The following EPHA4 variants were observed in gnomAD, a reference collection of about 807,000 sequenced individuals.
The protein encoded by EPHA4 is ephrin type-A receptor 4.
EPHA4 carries 19 observed loss-of-function variants against 108.3 expected under a neutral mutation model. The ratio of observed to expected loss-of-function variants is 0.18; its 90% confidence interval spans 0.12 to 0.26. The LOEUF is 0.26. EPHA4 is among the 10% of genes least tolerant of loss of function. The pLI, the probability that EPHA4 is intolerant of heterozygous loss-of-function variation, is 1.00. For missense variants in EPHA4, 917 were observed against 1,254.0 expected, an observed-to-expected ratio of 0.73 and a Z score of 4.06; for synonymous variants, 449 against 455.5, an observed-to-expected ratio of 0.99 and a Z score of 0.18.
chr2:221,498,442 T>G (rs1214821636), intron 4 of EPHA4, among the ~76,000 whole-genome samples: 1 of 152,176 alleles, frequency 6.6e-6, no homozygotes, highest in Non-Finnish European at 1.5e-5. Flanking sequence ...AGTTTATTAT[T>G]AAACTAATCA....
intron 4 of EPHA4, among the ~76,000 whole-genome samples, chr2:221,499,756 ATTTTTTTTT>A (rs575017779): frequency 1.5e-4 from 4 of 26,228 alleles, no homozygotes; most frequent in African/African-American, 6.4e-4. Flanking sequence ...ATATATATAT[ATTTTTTTTT>A]TTTTTTTTTG....
chr2:221,446,096 A>G lies in EPHA4; in HGVS notation c.1774+27T>C, dbSNP rs779917281. 2.7e-6 allele frequency: 4 copies of G among 1,488,242 alleles called. 1 individual carries two copies. The South Asian group carries it at 4.2e-5, about 16-fold the overall frequency. 92.2% of individuals were successfully genotyped at this position (1,488,242 alleles called of 1,614,324 possible). On this transcript the variant is annotated intron_variant, in intron 9 of 17. Coordinates refer to ENST00000281821, the MANE Select transcript of EPHA4 (RefSeq NM_004438.5). ...AAAACGTGTGACATGCTCTAAAAAT[A>G]GAATTTTTTAATCCAATTTTTTGTA...
At chr2:221,572,355 C>A, upstream of EPHA4, 1 of 1,006,998 alleles carries the variant, frequency 9.9e-7, no homozygotes, top group South Asian at 1.5e-5. Flanking sequence ...CGGGCCCGGC[C>A]GGTGACGTGA....
chr2:221,483,874 G>A (rs1224246140), intron 4 of EPHA4, among the ~76,000 whole-genome samples: 2 of 152,144 alleles, frequency 1.3e-5, no homozygotes, highest in South Asian at 4.1e-4. Context: ...TGGGAGAAGG[G>A]AGAGGGAATT....
At chr2:221,422,531 G>A (rs1328299529) in intron 17 of EPHA4, among the ~76,000 whole-genome samples, 1 of 152,152 alleles carries the variant, frequency 6.6e-6, no homozygotes, top group Non-Finnish European at 1.5e-5. Context: ...TTGGGGACTT[G>A]GTGTGTATGC....
intron 3 of EPHA4, among the ~76,000 whole-genome samples, chr2:221,561,130 T>C (rs1694450907): frequency 6.6e-6 from 1 of 152,032 alleles, no homozygotes; most frequent in Non-Finnish European, 1.5e-5. Flanking sequence ...TAGTCCCAGC[T>C]ACTTGGGAGG....
intron 8 of EPHA4, among the ~76,000 whole-genome samples, chr2:221,450,609 C>T (rs376450808): frequency 4.6e-4 from 70 of 152,170 alleles, no homozygotes; most frequent in Middle Eastern, 3.4e-3. Flanking sequence ...ATGTGACCTT[C>T]GTTTATTTGT....
At chr2:221,563,642 A>AT (rs753558593) in intron 3 of EPHA4, 89 bp downstream of exon 3, 4 of 1,474,752 alleles carry the variant, frequency 2.7e-6, no homozygotes, top group Non-Finnish European at 3.7e-6. Context: ...GGGGCTACTA[A>AT]TTACTGGCTT....
rs373855974 is a variant in EPHA4, at chr2:221,543,485, T to A, written c.823+20246A>T. Among the ~76,000 whole-genome samples the A allele has an allele frequency of 1.4e-4, 21 of 152,304 alleles. No individual in the cohort carries two copies. The East Asian group carries it at 2.5e-3, about 18-fold the overall frequency. On this transcript the variant is annotated intron_variant, in intron 3 of 17. Coordinates refer to ENST00000281821, the MANE Select transcript of EPHA4 (RefSeq NM_004438.5). ...TGCCTATCTTTATACTTGCCTGTATTCCGCATTTTTATACATACAAAATTA... is the reference window on the plus strand; with the variant it reads ...TGCCTATCTTTATACTTGCCTGTATACCGCATTTTTATACATACAAAATTA...
chr2:221,554,809 A>G (rs1420244360), intron 3 of EPHA4, among the ~76,000 whole-genome samples: 3 of 152,232 alleles, frequency 2.0e-5, no homozygotes, highest in Non-Finnish European at 4.4e-5. Flanking sequence ...CATAGACTTT[A>G]AATATCTACT....
chr2:221,428,360 T>C (rs897922800), intron 15 of EPHA4, among the ~76,000 whole-genome samples: 2 of 152,238 alleles, frequency 1.3e-5, no homozygotes, highest in Non-Finnish European at 2.9e-5. Context: ...TACCATGTTA[T>C]ACTACATCTC....
At chr2:221,527,723 G>A (rs1054731090) in intron 3 of EPHA4, among the ~76,000 whole-genome samples, 3 of 152,076 alleles carry the variant, frequency 2.0e-5, no homozygotes, top group Non-Finnish European at 2.9e-5. Context: ...AGATATCAGC[G>A]GTTTATATTT....
chr2:221,502,316 A>G (rs566901402), intron 3 of EPHA4, among the ~76,000 whole-genome samples: 20 of 152,302 alleles, frequency 1.3e-4, no homozygotes, highest in African/African-American at 4.3e-4. Context: ...ATTAAGAGTA[A>G]AGTTATTTCA....
intron 3 of EPHA4, among the ~76,000 whole-genome samples, chr2:221,550,765 G>T (rs954034608): frequency 4.6e-5 from 7 of 151,584 alleles, no homozygotes; most frequent in Non-Finnish European, 8.8e-5. Context: ...GAATTCAAAA[G>T]AATTTGTCAA....
chr2:221,491,712 G>T (rs1384912582), intron 4 of EPHA4, among the ~76,000 whole-genome samples: 1 of 151,912 alleles, frequency 6.6e-6, no homozygotes, highest in Non-Finnish European at 1.5e-5. Context: ...TATCTTTTCT[G>T]CCTTGTTCCT....
intron 11 of EPHA4, among the ~76,000 whole-genome samples, chr2:221,440,947 G>A (rs1690405417): frequency 6.6e-6 from 1 of 152,108 alleles, no homozygotes; most frequent in Non-Finnish European, 1.5e-5. Flanking sequence ...CACCTGTGGT[G>A]AGCTCTCTTG....
At chr2:221,482,189 G>A (rs534431689) in intron 5 of EPHA4, among the ~76,000 whole-genome samples, 163 bp downstream of exon 5, 6 of 152,182 alleles carry the variant, frequency 3.9e-5, no homozygotes, top group Middle Eastern at 3.2e-3. Flanking sequence ...GGGATTACAC[G>A]TGTAAGCCAC....
intron 17 of EPHA4, chr2:221,422,210 T>C (rs1689780174): frequency 6.6e-6 from 1 of 152,198 alleles, no homozygotes; most frequent in African/African-American, 2.4e-5. Flanking sequence ...AACTATTTCC[T>C]CTCTGGAAAT....
intron 3 of EPHA4, among the ~76,000 whole-genome samples, chr2:221,517,797 A>G (rs542537233): frequency 1.0e-3 from 153 of 152,302 alleles, no homozygotes; most frequent in African/African-American, 3.4e-3. Flanking sequence ...CGCATGTGCT[A>G]TCACAACAGC....
Sources: allele counts gnomAD v4.1 joint callset (sites outside exome capture counted in the v4.1 genomes callset), GRCh38; gene constraint gnomAD v4.1.1; transcripts MANE v1.5; gene names NCBI Gene and HGNC (gene_info 2026-07-23, HGNC 2026-07-21).